The following ARHGAP6 variants were observed in gnomAD, a reference collection of about 807,000 sequenced individuals.
The protein encoded by ARHGAP6 is rho GTPase-activating protein 6.
ARHGAP6 carries 16 observed loss-of-function variants against 55.7 expected under a neutral mutation model. That is an observed-to-expected ratio of 0.29 (90% CI 0.19 to 0.44). ARHGAP6 has a LOEUF of 0.44. ARHGAP6 is among the 20% of genes least tolerant of loss of function. The probability of loss-of-function intolerance (pLI) is 1.00; values close to 1 mark genes in which losing one functional copy is unlikely to be tolerated. For missense variants in ARHGAP6, 698 were observed against 808.9 expected (o/e 0.86, Z 1.66); for synonymous variants, 382 against 360.9 (o/e 1.06, Z -0.66).
At chrX:11,443,195 C>T (rs1206403347) in intron 1 of ARHGAP6, among the ~76,000 whole-genome samples, 1 of 112,445 alleles carries the variant, frequency 8.9e-6, no homozygotes, top group Admixed American at 9.4e-5. Flanking sequence ...TGTCTGGTTT[C>T]TCTTGTCAAT....
At chrX:11,608,934 C>A (rs1184505184) in intron 1 of ARHGAP6, among the ~76,000 whole-genome samples, 1 of 111,620 alleles carries the variant, frequency 9.0e-6, no homozygotes, top group Admixed American at 9.5e-5. Context: ...CGGACTAATA[C>A]ACCCACCTAA....
At chrX:11,557,180 A>T (rs1048082438) in intron 1 of ARHGAP6, among the ~76,000 whole-genome samples, 1 of 112,361 alleles carries the variant, frequency 8.9e-6, no homozygotes, top group African/African-American at 3.2e-5. Flanking sequence ...TATTCAGTTG[A>T]AAATTTCCTC....
chrX:11,593,820 T>C (rs914328065), intron 1 of ARHGAP6, among the ~76,000 whole-genome samples: 1 of 112,396 alleles, frequency 8.9e-6, no homozygotes, highest in Non-Finnish European at 1.9e-5. Flanking sequence ...TAGGTATTAA[T>C]TCACTACACA....
At chrX:11,149,954 T>C (rs1480081998) in intron 10 of ARHGAP6, among the ~76,000 whole-genome samples, 2 of 111,966 alleles carry the variant, frequency 1.8e-5, no homozygotes, top group Non-Finnish European at 3.8e-5. Flanking sequence ...TTAATTTTAG[T>C]TTAATTTTTT....
At chrX:11,348,484 T>C (rs1015516680) in intron 1 of ARHGAP6, among the ~76,000 whole-genome samples, 7 of 111,627 alleles carry the variant, frequency 6.3e-5, no homozygotes, top group African/African-American at 2.3e-4. Flanking sequence ...TCTCTGTGCC[T>C]CCAGGCCACA....
chrX:11,425,234 CA>C (rs201695763), intron 1 of ARHGAP6, among the ~76,000 whole-genome samples: 171 of 110,357 alleles, frequency 1.5e-3, no homozygotes, highest in Admixed American at 3.1e-3. Flanking sequence ...AAGACAGACC[CA>C]AAAAAAACCC....
chrX:11,344,830 T>C (rs980753969), intron 1 of ARHGAP6, among the ~76,000 whole-genome samples: 1 of 110,919 alleles, frequency 9.0e-6, no homozygotes, highest in Admixed American at 9.6e-5. Context: ...CAGCCAAGAC[T>C]GCCAAACACT....
rs1215875640 is a variant in ARHGAP6 at position 11,144,023 on chromosome X, C to T, written c.2133G>A (p.Ser711=). 3 of 1,209,962 alleles carry T rather than the reference C, an allele frequency of 2.5e-6. No individual in the cohort carries two copies. Among genetic ancestry groups the T allele is most frequent in the Non-Finnish European group, 3.4e-6 (3 of 895,199 alleles). Residue 711 remains serine (S), a synonymous_variant, in exon 11 of 13, where the codon TCG becomes TCA. Coordinates refer to ENST00000337414, the MANE Select transcript of ARHGAP6 (RefSeq NM_013427.3). ...CAGGAGAACTTTCCCTTGACTTTGA[C>T]GACGACAAGTGGCCCACCAGCATAA... The part of the protein sequence containing the change: ...GQFMLVGHLS[S]SKSRESSPGP...
intron 2 of ARHGAP6, among the ~76,000 whole-genome samples, chrX:11,227,800 C>A (rs780231583): frequency 9.8e-6 from 1 of 101,801 alleles, no homozygotes; most frequent in Non-Finnish European, 2.0e-5. Flanking sequence ...TTTCTTTTTT[C>A]TTTTTTTTTT....
intron 1 of ARHGAP6, among the ~76,000 whole-genome samples, chrX:11,606,477 T>C (rs1317713672): frequency 8.9e-6 from 1 of 111,920 alleles, no homozygotes; most frequent in Non-Finnish European, 1.9e-5. Context: ...GGTTTGTCCA[T>C]GCAGATCCAA....
chrX:11,479,102 C>T (rs1978289929), intron 1 of ARHGAP6, among the ~76,000 whole-genome samples: 1 of 112,047 alleles, frequency 8.9e-6, no homozygotes, highest in Admixed American at 9.5e-5. Flanking sequence ...TAACGAAAGG[C>T]GGCTTTCTCC....
intron 1 of ARHGAP6, among the ~76,000 whole-genome samples, chrX:11,297,601 C>A (rs1169795302): frequency 1.8e-5 from 2 of 111,629 alleles, no homozygotes; most frequent in Admixed American, 9.5e-5. Flanking sequence ...ATATACTGTT[C>A]AGAAAGGAAT....
intron 1 of ARHGAP6, among the ~76,000 whole-genome samples, chrX:11,360,868 G>C (rs1269189282): frequency 0.014 from 1,495 of 107,287 alleles, 51 homozygotes; most frequent in African/African-American, 0.05. Context: ...CAATAACAGA[G>C]AGAGAGCCAA....
At chrX:11,164,282 A>G (rs1413954926) in intron 9 of ARHGAP6, among the ~76,000 whole-genome samples, 4 of 112,664 alleles carry the variant, frequency 3.6e-5, no homozygotes. Context: ...TCACTTGGGC[A>G]AACAAACTTG....
chrX:11,573,325 C>T (rs776915077), intron 1 of ARHGAP6, among the ~76,000 whole-genome samples: 1 of 109,048 alleles, frequency 9.2e-6, no homozygotes, highest in Admixed American at 9.7e-5. Flanking sequence ...TTAGGTCTAA[C>T]GTTTAAGTCT....
chrX:11,581,922 A>C (rs1029180915), intron 1 of ARHGAP6, among the ~76,000 whole-genome samples: 5 of 111,710 alleles, frequency 4.5e-5, no homozygotes, highest in Admixed American at 3.8e-4. Flanking sequence ...CCACTCTCCC[A>C]AACTTTCATG....
At chrX:11,640,546 G>A (rs2052463354) in intron 1 of ARHGAP6, among the ~76,000 whole-genome samples, 1 of 111,899 alleles carries the variant, frequency 8.9e-6, no homozygotes, top group Non-Finnish European at 1.9e-5. Flanking sequence ...AAGAAAATAA[G>A]AGGTTTGCTC....
At chrX:11,659,679 G>A (rs1300182045) in intron 1 of ARHGAP6, among the ~76,000 whole-genome samples, 1 of 111,560 alleles carries the variant, frequency 9.0e-6, no homozygotes, top group South Asian at 3.9e-4. Flanking sequence ...CAAGAGTCCC[G>A]AAAAGAGCGA....
intron 1 of ARHGAP6, among the ~76,000 whole-genome samples, chrX:11,403,461 G>A (rs775752826): frequency 1.8e-5 from 2 of 112,145 alleles, no homozygotes; most frequent in Non-Finnish European, 3.8e-5. Flanking sequence ...TGTATATCTC[G>A]TTAGGAACTT....
Sources: allele counts gnomAD v4.1 joint callset (sites outside exome capture counted in the v4.1 genomes callset), GRCh38; gene constraint gnomAD v4.1.1; transcripts MANE v1.5; gene names NCBI Gene and HGNC (gene_info 2026-07-23, HGNC 2026-07-21).